The following DRG1 variants were observed in gnomAD, a reference collection of about 807,000 sequenced individuals.
DRG1 encodes the protein developmentally-regulated GTP-binding protein 1.
DRG1 carries 19 observed loss-of-function variants against 38.8 expected under a neutral mutation model. That is an observed-to-expected ratio of 0.49 (90% CI 0.34 to 0.72). The LOEUF is 0.72. Ranked by LOEUF, DRG1 falls within the 30% of genes least tolerant of loss-of-function variation. The pLI is 0.01. For missense variants in DRG1, 299 were observed against 444.8 expected (o/e 0.67, Z 2.95); for synonymous variants, 167 against 157.5 (o/e 1.06, Z -0.45).
chr22:31,424,000 G>A (rs946104363), intron 6 of DRG1, among the ~76,000 whole-genome samples: 1 of 151,336 alleles, frequency 6.6e-6, no homozygotes, highest in Admixed American at 6.6e-5. Context: ...GAGTAGCTGG[G>A]ATTACAGGCC....
intron 3 of DRG1, among the ~76,000 whole-genome samples, 195 bp from the exon 4 acceptor site, chr22:31,410,817 A>G (rs2050014395): frequency 7.2e-6 from 1 of 138,702 alleles, no homozygotes; most frequent in Non-Finnish European, 1.6e-5. Flanking sequence ...CTCCATCTCC[A>G]AAAAAAAAAA....
At chr22:31,424,483 GGTTT>G (rs1569050597) in intron 6 of DRG1, among the ~76,000 whole-genome samples, 4 of 132,114 alleles carry the variant, frequency 3.0e-5, no homozygotes. Context: ...GTGGGGCTTT[GGTTT>G]CTTTTTTTTT....
chr22:31,400,790 C>G lies in DRG1; in HGVS notation c.166+47C>G, dbSNP rs533977911. On this transcript the variant is annotated intron_variant, in intron 2 of 8. Transcript: ENST00000331457. ...ATATATTTTTAGGTATAATTTTTGTCAAAATAGTACATACATGTGGTTTAA... is the reference window on the plus strand; with the variant it reads ...ATATATTTTTAGGTATAATTTTTGTGAAAATAGTACATACATGTGGTTTAA... The G allele has an allele frequency of 3.2e-6, 5 of 1,575,992 alleles. No individual in the cohort carries two copies. The South Asian group carries it at 4.5e-5, about 14-fold the overall frequency.
In DRG1 at chr22:31,403,028, G is replaced by A; in HGVS notation, c.167-1G>A. 6.2e-7 allele frequency: 1 copy of A among 1,609,216 alleles called. No homozygotes were observed. The highest frequency in any genetic ancestry group is 8.5e-7 in the Non-Finnish European group (1 of 1,178,376). On this transcript the variant is annotated splice_acceptor_variant, in intron 2 of 8. Coordinates refer to ENST00000331457, the MANE Select transcript of DRG1 (RefSeq NM_004147.4). LOFTEE classifies it high-confidence loss of function. ...CTTTTTGGTATTCATTGATGTTTTA[G>A]GTTTTGATGTGGCCAAGACAGGTGA... is the stretch of plus-strand genomic sequence containing the variant.
intron 4 of DRG1, among the ~76,000 whole-genome samples, chr22:31,413,945 T>C (rs1022234791): frequency 2.0e-5 from 3 of 152,040 alleles, no homozygotes; most frequent in Non-Finnish European, 2.9e-5. Context: ...AGAACACATA[T>C]GACTTCCCTG....
At chr22:31,418,674 A>ATTATTTAT (rs1007849238) in intron 4 of DRG1, among the ~76,000 whole-genome samples, 30 of 151,282 alleles carry the variant, frequency 2.0e-4, no homozygotes, top group Admixed American at 2.0e-3. Context: ...TGGCCAGCTA[A>ATTATTTAT]TTATTTATTT....
At position 31,423,309 on chromosome 22, in the gene DRG1, T is replaced by G. The variant is rs761386637; in HGVS notation, c.612T>G (p.Thr204=). 2.5e-6 allele frequency: 4 copies of G among 1,614,016 alleles called. No individual in the cohort carries two copies. The African/African-American group carries it at 5.3e-5, about 22-fold the overall frequency. The change falls in exon 6 of 9, where the codon ACT becomes ACG. Residue 204 remains threonine (T), a synonymous_variant. Transcript: ENST00000331457. ...TCPQSELDAE[T]VKSILAEYKI... Reference sequence around the variant, plus strand: ...CCCAGAGTGAGCTGGATGCTGAAACTGTGAAGAGCATTCTGGCTGAATACA... The same window carrying G: ...CCCAGAGTGAGCTGGATGCTGAAACGGTGAAGAGCATTCTGGCTGAATACA...
In DRG1 at chr22:31,399,639, G is replaced by T. The variant is rs749532013; in HGVS notation, c.-45G>T. Reference sequence around the variant, plus strand: ...GGTGGCGGTGGCAGTTTGCCCGCGGGTGTGTGAAGGGAGACAGTGTGGAGG... The same window carrying T: ...GGTGGCGGTGGCAGTTTGCCCGCGGTTGTGTGAAGGGAGACAGTGTGGAGG... On this transcript the variant is annotated 5_prime_UTR_variant, in exon 1 of 9. Coordinates refer to ENST00000331457, the MANE Select transcript of DRG1 (RefSeq NM_004147.4). 6.2e-7 allele frequency: 1 copy of T among 1,613,932 alleles called. No homozygotes were observed. The highest frequency in any genetic ancestry group is 1.1e-5 in the South Asian group (1 of 91,078).
intron 6 of DRG1, among the ~76,000 whole-genome samples, chr22:31,425,582 G>A (rs974924955): frequency 6.6e-6 from 1 of 151,832 alleles, no homozygotes; most frequent in Non-Finnish European, 1.5e-5. Flanking sequence ...CTGGGACTAT[G>A]GGCGTGTGCC....
intron 5 of DRG1, among the ~76,000 whole-genome samples, chr22:31,422,673 C>T (rs753977574): frequency 2.6e-5 from 4 of 152,222 alleles, no homozygotes; most frequent in Admixed American, 6.5e-5. Flanking sequence ...CTGCCCAAAA[C>T]ATCTTTCCCA....
chr22:31,407,659 TA>T (rs2049995909), intron 3 of DRG1, among the ~76,000 whole-genome samples: 1 of 151,066 alleles, frequency 6.6e-6, no homozygotes. Context: ...TTGTTTGTTT[TA>T]TTTTTATTTT....
In DRG1 at chr22:31,426,727, T is replaced by C; in HGVS notation, c.826T>C (p.Trp276Arg). 6.2e-7 allele frequency: 1 copy of C among 1,614,180 alleles called. No individual in the cohort carries two copies. The highest frequency in any genetic ancestry group is 1.1e-5 in the South Asian group (1 of 91,074). ...HCVPISAHHR[W>R]NFDDLLEKIW... ...TGTACCCATCTCTGCCCATCACCGC[T>C]GGAATTTTGATGACCTATTGGAAAA... The change falls in exon 7 of 9, where the codon TGG (tryptophan) becomes CGG (arginine). Residue 276 changes from tryptophan to arginine, a missense_variant. This residue lies in a region of DRG1 where 198 missense variants were observed against 268.1 expected (regional missense o/e 0.74). Transcript: ENST00000331457.
intron 6 of DRG1, among the ~76,000 whole-genome samples, chr22:31,425,370 G>C (rs902831134): frequency 6.6e-6 from 1 of 151,968 alleles, no homozygotes; most frequent in African/African-American, 2.4e-5. Context: ...AGAAGTCCGA[G>C]CAGGCCAGGC....
Position 31,416,474 on chromosome 22 carries a change from C to A in DRG1, c.413-3782C>A, listed in dbSNP as rs2050044870. ...CTGGGCTTAAGATATCACTGGCCGT[C>A]CGGGTGTGGTGGCTCACAGTCTGTA... On this transcript the variant is annotated intron_variant, in intron 4 of 8. Transcript: ENST00000331457. Among the ~76,000 whole-genome samples, 7 of 152,106 alleles carry A rather than the reference C, an allele frequency of 4.6e-5. No homozygotes were observed. In the South Asian group the frequency reaches 1.2e-3, roughly 27 times the overall value.
chr22:31,417,992 A>G (rs1425791827), intron 4 of DRG1, among the ~76,000 whole-genome samples: 1 of 151,692 alleles, frequency 6.6e-6, no homozygotes, highest in Admixed American at 6.6e-5. Flanking sequence ...CATCTCAAAA[A>G]AAAAAAAAAA....
chr22:31,426,682 A>G lies in DRG1; in HGVS notation c.781A>G (p.Ile261Val). The G allele has an allele frequency of 6.2e-7, 1 of 1,614,070 alleles. No homozygotes were observed. The highest frequency in any genetic ancestry group is 8.5e-7 in the Non-Finnish European group (1 of 1,179,976). ...DQISIEELDI[I>V]YKVPHCVPIS... ...AATCTCCATTGAGGAATTGGATATC[A>G]TCTATAAGGTGCCTCACTGTGTACC... Residue 261 changes from isoleucine to valine, a missense_variant, in exon 7 of 9, where the codon ATC becomes GTC. Ile to Val is a conservative substitution (Grantham distance 29). Transcript: ENST00000331457.
At chr22:31,416,340 T>C (rs1344274780) in intron 4 of DRG1, among the ~76,000 whole-genome samples, 2 of 152,186 alleles carry the variant, frequency 1.3e-5, no homozygotes, top group Non-Finnish European at 2.9e-5. Flanking sequence ...TCTGATGTTT[T>C]CCCATATTAT....
At chr22:31,429,356 G>A (rs1011243301) in intron 8 of DRG1, among the ~76,000 whole-genome samples, 1 of 152,090 alleles carries the variant, frequency 6.6e-6, no homozygotes, top group Non-Finnish European at 1.5e-5. Flanking sequence ...GACCTCAGGT[G>A]ATCTGCCTGC....
Position 31,417,348 on chromosome 22 carries a change from C to T in DRG1, c.413-2908C>T, listed in dbSNP as rs370861306. 9.6e-5 allele frequency among the ~76,000 whole-genome samples: 14 copies of T among 146,124 alleles called. No homozygotes were observed. In the South Asian group the frequency reaches 1.3e-3, roughly 14 times the overall value. On this transcript the variant is annotated intron_variant, in intron 4 of 8. Transcript: ENST00000331457. ...ATTGCACCACTGCACTCCAGCCTGG[C>T]GACAGAGCAAGACTCTGTGTCAAAA...
Sources: gnomAD v4.1 joint callset for allele counts (sites outside exome capture counted in the v4.1 genomes callset) on GRCh38, gnomAD v4.1.1 for gene constraint, gnomAD v4.1.1 regional missense constraint, MANE v1.5 for transcripts, NCBI Gene and HGNC (gene_info 2026-07-23, HGNC 2026-07-21) for gene names.